The following NUP93 variants were observed in gnomAD, a reference collection of about 807,000 sequenced individuals.
NUP93 encodes nuclear pore complex protein Nup93.
In NUP93, 55 loss-of-function variants were observed where a neutral mutation model predicts 107.8. That is an observed-to-expected ratio of 0.51 (90% CI 0.41 to 0.64). The LOEUF (loss-of-function observed/expected upper bound fraction) is 0.64. NUP93 is among the 30% of genes least tolerant of loss of function. NUP93 has a pLI of 0.00. For synonymous variants in NUP93, 390 were observed against 397.5 expected, an observed-to-expected ratio of 0.98 and a Z score of 0.22; for missense variants, 937 against 1,044.7, an observed-to-expected ratio of 0.90 and a Z score of 1.42.
At chr16:56,761,785 A>G (rs558149695) in intron 3 of NUP93, among the ~76,000 whole-genome samples, 8 of 152,204 alleles carry the variant, frequency 5.3e-5, no homozygotes, top group Admixed American at 1.3e-4. Context: ...TTTGGTAAAC[A>G]TTGATTATAT....
intron 1 of NUP93, among the ~76,000 whole-genome samples, chr16:56,739,676 A>C (rs1597099959): frequency 2.8e-5 from 3 of 106,080 alleles, no homozygotes; most frequent in Admixed American, 1.9e-4. Flanking sequence ...CGGAGGGCTG[A>C]CCCCCCCACC....
chr16:56,736,570 G>A (rs1406526241), intron 1 of NUP93, among the ~76,000 whole-genome samples: 1 of 152,192 alleles, frequency 6.6e-6, no homozygotes, highest in Non-Finnish European at 1.5e-5. Context: ...ACACAGAGAT[G>A]CAAAGGAACA....
intron 3 of NUP93, among the ~76,000 whole-genome samples, chr16:56,786,472 C>G (rs760414299): frequency 3.9e-5 from 6 of 152,204 alleles, no homozygotes; most frequent in Non-Finnish European, 8.8e-5. Context: ...ACTGATTGAT[C>G]TAATGGATTG....
At chr16:56,835,287 C>G (rs889897684) in intron 16 of NUP93, among the ~76,000 whole-genome samples, 9 of 152,204 alleles carry the variant, frequency 5.9e-5, no homozygotes, top group Non-Finnish European at 1.3e-4. Flanking sequence ...GGTCAGAGAT[C>G]CTGTTGTCAG....
At chr16:56,801,508 G>A (rs185599709) in intron 4 of NUP93, among the ~76,000 whole-genome samples, 284 of 152,168 alleles carry the variant, frequency 1.9e-3, no homozygotes, top group African/African-American at 5.8e-3. Flanking sequence ...CATCTCCAGG[G>A]TTCAAGTGAT....
chr16:56,832,331 TC>T lies in NUP93; in HGVS notation c.1292del (p.Pro431HisfsTer25). 6.2e-7 allele frequency: 1 copy of T among 1,614,124 alleles called. No individual in the cohort carries two copies. Among genetic ancestry groups the T allele is most frequent in the Non-Finnish European group, 8.5e-7 (1 of 1,180,002 alleles). On this transcript the variant is annotated frameshift_variant, in exon 12 of 22. Coordinates refer to ENST00000308159, the MANE Select transcript of NUP93 (RefSeq NM_014669.5). LOFTEE classifies it high-confidence loss of function. ...QVCFDDDGTS[S>X]PQDRLTLSQF... is the part of the protein sequence containing the mutation. ...GTGTTTTGACGACGATGGCACCAGCTCCCCACAAGACAGGCTCACTCTCTCA... is the reference window on the plus strand; with the variant it reads ...GTGTTTTGACGACGATGGCACCAGCTCCCACAAGACAGGCTCACTCTCTCA...
intron 3 of NUP93, among the ~76,000 whole-genome samples, chr16:56,760,946 A>G (rs1962115785): frequency 6.6e-6 from 1 of 151,908 alleles, no homozygotes; most frequent in African/African-American, 2.4e-5. Flanking sequence ...GTGACAGAGC[A>G]AGACCCTGTC....
chr16:56,748,065 A>C, intron 1 of NUP93, 169 bp from the exon 2 acceptor site: 1 of 481,096 alleles, frequency 2.1e-6, no homozygotes, highest in Non-Finnish European at 3.7e-6. Context: ...TTTCTCTGTC[A>C]GGCCTGTTCT....
At chr16:56,830,294 CT>C (rs1377230914) in intron 9 of NUP93, among the ~76,000 whole-genome samples, 1 of 152,136 alleles carries the variant, frequency 6.6e-6, no homozygotes, top group East Asian at 1.9e-4. Context: ...AGGAAAAGCT[CT>C]GGAGCCATAT....
intron 1 of NUP93, among the ~76,000 whole-genome samples, chr16:56,732,287 C>T (rs1179013241): frequency 6.6e-6 from 1 of 152,170 alleles, no homozygotes; most frequent in Non-Finnish European, 1.5e-5. Flanking sequence ...TTCCTAGCAC[C>T]TAGGTCTGGC....
intron 3 of NUP93, among the ~76,000 whole-genome samples, chr16:56,789,711 C>T (rs1962711188): frequency 6.6e-6 from 1 of 152,260 alleles, no homozygotes; most frequent in South Asian, 2.1e-4. Context: ...AATATCAGCT[C>T]TGCCCGCTTA....
In NUP93 at chr16:56,741,280, G is replaced by GA. The variant is rs569833665; in HGVS notation, c.-14-6948dup. On this transcript the variant is annotated intron_variant, in intron 1 of 21. Coordinates refer to ENST00000308159, the MANE Select transcript of NUP93 (RefSeq NM_014669.5). ...AAATGTTGCCAAATTGGCAACTTGG[G>GA]AAAAAAGCTAAAATAGCATTTTACA... 3.7e-3 allele frequency among the ~76,000 whole-genome samples: 565 copies of GA among 152,228 alleles called. 1 individual carries two copies. Among genetic ancestry groups the GA allele is most frequent in the African/African-American group, 0.013 (531 of 41,522 alleles).
chr16:56,739,109 C>G (rs1354789247), intron 1 of NUP93, among the ~76,000 whole-genome samples: 2 of 146,766 alleles, frequency 1.4e-5, no homozygotes, highest in African/African-American at 5.1e-5. Flanking sequence ...TCTCCCATGT[C>G]TACTTCTTTC....
At chr16:56,799,923 C>T (rs1350684397) in intron 4 of NUP93, among the ~76,000 whole-genome samples, 1 of 152,212 alleles carries the variant, frequency 6.6e-6, no homozygotes, top group Non-Finnish European at 1.5e-5. Context: ...TGGCTCACGC[C>T]TGTAATCCCA....
intron 3 of NUP93, among the ~76,000 whole-genome samples, chr16:56,787,110 G>T (rs1962644740): frequency 6.6e-6 from 1 of 152,172 alleles, no homozygotes; most frequent in Non-Finnish European, 1.5e-5. Flanking sequence ...TGTTAACAAA[G>T]GAATACCTTG....
intron 18 of NUP93, 91 bp from the exon 19 acceptor site, chr16:56,838,861 C>T (rs1963963479): frequency 2.3e-6 from 2 of 875,604 alleles, no homozygotes; most frequent in East Asian, 2.5e-5. Context: ...GACCACACCC[C>T]ACTGTTTTTT....
chr16:56,810,871 T>C (rs192048083), intron 5 of NUP93, among the ~76,000 whole-genome samples: 3 of 152,332 alleles, frequency 2.0e-5, no homozygotes, highest in African/African-American at 7.2e-5. Context: ...TAATTTTGCC[T>C]GTTTTTGAAC....
chr16:56,798,188 T>G (rs1422690171), intron 3 of NUP93, among the ~76,000 whole-genome samples: 1 of 152,214 alleles, frequency 6.6e-6, no homozygotes, highest in African/African-American at 2.4e-5. Flanking sequence ...ATTTAGGAAT[T>G]TTGAAGGACA....
At chr16:56,794,797 A>C (rs1018916748) in intron 3 of NUP93, among the ~76,000 whole-genome samples, 22 of 151,696 alleles carry the variant, frequency 1.5e-4, no homozygotes, top group Non-Finnish European at 2.8e-4. Flanking sequence ...GCGTGGTTGC[A>C]GGCGCCTGTA....
Sources: allele counts gnomAD v4.1 joint callset (sites outside exome capture counted in the v4.1 genomes callset), GRCh38; gene constraint gnomAD v4.1.1; transcripts MANE v1.5; gene names NCBI Gene and HGNC (gene_info 2026-07-23, HGNC 2026-07-21).